The following LRFN5 variants were observed in gnomAD, a reference collection of about 807,000 sequenced individuals.
LRFN5 encodes the protein leucine rich repeat and fibronectin type III domain containing 5, also known as leucine-rich repeat and fibronectin type-III domain-containing protein 5.
In LRFN5, 24 loss-of-function variants were observed where a neutral mutation model predicts 45.6. The observed-to-expected ratio is 0.53, with a 90% CI of 0.38 to 0.74. The LOEUF (loss-of-function observed/expected upper bound fraction) is 0.74. Ranked by LOEUF, LRFN5 falls within the 30% of genes least tolerant of loss-of-function variation. The pLI is 0.00. For missense variants in LRFN5, 776 were observed against 861.5 expected (o/e 0.90, Z 1.24); for synonymous variants, 340 against 313.8 (o/e 1.08, Z -0.88).
rs1890612123 is a variant in LRFN5 at position 41,887,391 on chromosome 14, A to G, written c.766A>G (p.Arg256Gly). The G allele has an allele frequency of 1.9e-6, 3 of 1,614,200 alleles. No individual in the cohort carries two copies. The change falls in exon 3 of 6, where the codon AGA becomes GGA. Residue 256 changes from arginine to glycine, a missense_variant. Physicochemically the swap from Arg to Gly is moderately radical, Grantham distance 125 (BLOSUM62 -2). This residue lies in a region of LRFN5 where 311 missense variants were observed against 405.1 expected (regional missense o/e 0.77). Transcript: ENST00000298119. This position sits in a 1 kb window ranked among gnomAD's most constrained non-coding sequence, Gnocchi z 4.8. ...CELLWLRRLS[R>G]EDDLETCASP... ...ATTGTTGTGGTTGAGGCGTCTGTCC[A>G]GAGAAGATGACTTAGAGACCTGTGC...
At chr14:41,848,137 T>C (rs1889132144) in intron 2 of LRFN5, among the ~76,000 whole-genome samples, 1 of 152,042 alleles carries the variant, frequency 6.6e-6, no homozygotes, top group South Asian at 2.1e-4. Flanking sequence ...ATTTTAAAAA[T>C]CCCTTCCCAA....
chr14:41,700,236 A>G (rs10141304), intron 1 of LRFN5: 115,473 of 151,886 alleles, frequency 0.76, 44,688 homozygotes, highest in East Asian at 0.97. Context: ...ATAATAGTTG[A>G]CTATTAATAT....
At chr14:41,840,142 T>G (rs116835385) in intron 2 of LRFN5, among the ~76,000 whole-genome samples, 2,426 of 152,186 alleles carry the variant, frequency 0.016, 57 homozygotes, top group African/African-American at 0.054. Context: ...TCCAGTCACT[T>G]AATAAATAAT....
At chr14:41,695,648 C>G (rs1882577866) in intron 1 of LRFN5, among the ~76,000 whole-genome samples, 2 of 151,866 alleles carry the variant, frequency 1.3e-5, no homozygotes, top group Admixed American at 1.3e-4. Context: ...AACGACAAAG[C>G]CTGGATTATA....
intron 2 of LRFN5, among the ~76,000 whole-genome samples, chr14:41,847,011 G>A (rs1470370564): frequency 1.3e-5 from 2 of 152,086 alleles, no homozygotes; most frequent in Non-Finnish European, 2.9e-5. Context: ...AGATTCCAGG[G>A]ATTAGGGCTT....
chr14:41,856,822 G>A (rs1204690340), intron 2 of LRFN5, among the ~76,000 whole-genome samples: 1 of 146,334 alleles, frequency 6.8e-6, no homozygotes, highest in Non-Finnish European at 1.5e-5. Context: ...GACTACAGGC[G>A]CCCGCCACTG....
intron 2 of LRFN5, among the ~76,000 whole-genome samples, chr14:41,856,679 T>TTTTTTTTTTTTTA (rs1889476500): frequency 5.0e-5 from 3 of 60,100 alleles, no homozygotes; most frequent in Non-Finnish European, 1.1e-4. Flanking sequence ...ATTATTATTT[T>TTTTTTTTTTTTTA]TTTTTTTTTT....
At chr14:41,820,337 A>G (rs1888071707) in intron 2 of LRFN5, among the ~76,000 whole-genome samples, 1 of 152,036 alleles carries the variant, frequency 6.6e-6, no homozygotes, top group African/African-American at 2.4e-5. Flanking sequence ...GCATGTGGCT[A>G]TCCTATTATT....
intron 1 of LRFN5, among the ~76,000 whole-genome samples, chr14:41,749,473 G>C (rs534024449): frequency 1.9e-4 from 29 of 152,108 alleles, no homozygotes; most frequent in Admixed American, 1.9e-3. Flanking sequence ...ATATTATACA[G>C]CTATAGTATT....
At chr14:41,790,794 G>A (rs1157144898) in intron 2 of LRFN5, among the ~76,000 whole-genome samples, 3 of 145,216 alleles carry the variant, frequency 2.1e-5, no homozygotes, top group Non-Finnish European at 3.0e-5. Context: ...ATTGAAATAT[G>A]TTAAGACAAT....
At chr14:41,756,825 G>A (rs555538368) in intron 1 of LRFN5, among the ~76,000 whole-genome samples, 1 of 152,312 alleles carries the variant, frequency 6.6e-6, no homozygotes, top group East Asian at 1.9e-4. Context: ...TGGAGGAGGA[G>A]AGGTGCTCTG....
intron 1 of LRFN5, among the ~76,000 whole-genome samples, chr14:41,632,295 C>CG (rs565477039): frequency 8.9e-4 from 135 of 152,198 alleles, no homozygotes; most frequent in African/African-American, 2.2e-3. Flanking sequence ...AATCTCATAA[C>CG]GGCCCTTTAA....
At chr14:41,679,816 C>A (rs1881804317) in intron 1 of LRFN5, among the ~76,000 whole-genome samples, 1 of 152,148 alleles carries the variant, frequency 6.6e-6, no homozygotes, top group Admixed American at 6.5e-5. Flanking sequence ...ACTTGGAGTC[C>A]TTGATTCCAG....
intron 4 of LRFN5, chr14:41,894,362 T>A (rs114850472): frequency 1.2e-6 from 1 of 843,466 alleles, no homozygotes; most frequent in Non-Finnish European, 1.4e-6. Context: ...TTTAATCATA[T>A]GAGATTTATT....
chr14:41,876,374 G>A (rs1379858962), intron 2 of LRFN5, among the ~76,000 whole-genome samples: 25 of 137,384 alleles, frequency 1.8e-4, no homozygotes, highest in African/African-American at 5.4e-4. Context: ...TCCGCCTCCC[G>A]GGTTCACGCC....
In LRFN5 at chr14:41,891,841, C is replaced by G. The variant is rs1399891958; in HGVS notation, c.1977C>G (p.Ala659=). ...CAAGTACAGAACCACAGAATGAAGCCGTCACAAATGTTGAATCCCAAAACA... is the reference window on the plus strand; with the variant it reads ...CAAGTACAGAACCACAGAATGAAGCGGTCACAAATGTTGAATCCCAAAACA... ...TKPSTEPQNE[A]VTNVESQNTN... The change falls in exon 4 of 6, where the codon GCC becomes GCG. Residue 659 remains alanine, a synonymous_variant. Coordinates refer to ENST00000298119, the MANE Select transcript of LRFN5 (RefSeq NM_152447.5). The G allele has an allele frequency of 6.2e-7, 1 of 1,614,012 alleles. No individual in the cohort carries two copies. The highest frequency in any genetic ancestry group is 8.5e-7 in the Non-Finnish European group (1 of 1,180,032).
chr14:41,795,253 C>T (rs569622413), intron 2 of LRFN5, among the ~76,000 whole-genome samples: 10 of 151,980 alleles, frequency 6.6e-5, no homozygotes, highest in South Asian at 2.1e-4. Flanking sequence ...GTTAGAATGG[C>T]GATCATTAAA....
chr14:41,771,080 C>T (rs541022639), intron 2 of LRFN5, among the ~76,000 whole-genome samples: 16 of 151,904 alleles, frequency 1.1e-4, no homozygotes, highest in African/African-American at 3.1e-4. Flanking sequence ...ACTTGGGCCC[C>T]TTTGAGCCAT....
chr14:41,818,656 A>G (rs1441093930), intron 2 of LRFN5, among the ~76,000 whole-genome samples: 1 of 152,016 alleles, frequency 6.6e-6, no homozygotes, highest in Non-Finnish European at 1.5e-5. Flanking sequence ...TCTTGTTTCA[A>G]TTGTAACTAA....
Sources: allele counts gnomAD v4.1 joint callset (sites outside exome capture counted in the v4.1 genomes callset), GRCh38; gene constraint gnomAD v4.1.1; regional missense constraint gnomAD v4.1.1; non-coding constraint Gnocchi (gnomAD v3.1); transcripts MANE v1.5; gene names NCBI Gene and HGNC (gene_info 2026-07-23, HGNC 2026-07-21).